CGNL1: variants seen among roughly 807,000 people sequenced by gnomAD.
The protein encoded by CGNL1 is cingulin like 1.
Under a neutral mutation model 141.2 loss-of-function variants are expected in CGNL1, and 132 were observed. The ratio of observed to expected loss-of-function variants is 0.93; its 90% CI spans 0.81 to 1.08. The LOEUF (loss-of-function observed/expected upper bound fraction) is 1.08. CGNL1 is among the 50% of genes least tolerant of loss of function. The pLI is 0.00. For synonymous variants in CGNL1, 690 were observed against 622.1 expected (o/e 1.11, Z -1.63); for missense variants, 1,870 against 1,588.6 (o/e 1.18, Z -3.01).
chr15:57,542,643 A>AG (rs150817570), intron 14 of CGNL1, among the ~76,000 whole-genome samples: 4,302 of 152,360 alleles, frequency 0.028, 214 homozygotes, highest in African/African-American at 0.098. Context: ...GGAGAAATCT[A>AG]GCAGTGTCTG....
In CGNL1 at chr15:57,528,776, CCTCAAAGATGACCGCAGCAGG is replaced by C. The variant is rs1567172038; in HGVS notation, c.3165_3185del (p.Lys1056_Leu1062del). ...AGTATGAGCTGGAAGCCAAGAGTCA[CCTCAAAGATGACCGCAGCAGG>C]CTGGTCAAGCAGATGGAGGTCTGTG... On this transcript the variant is annotated inframe_deletion, in exon 13 of 19. Coordinates refer to ENST00000281282, the MANE Select transcript of CGNL1 (RefSeq NM_032866.5). 1 of 1,614,106 alleles carries C rather than the reference CCTCAAAGATGACCGCAGCAGG, an allele frequency of 6.2e-7. No homozygotes were observed. Among genetic ancestry groups the C allele is most frequent in the South Asian group, 1.1e-5 (1 of 91,070 alleles).
intron 8 of CGNL1, among the ~76,000 whole-genome samples, chr15:57,480,475 C>A (rs2063711811): frequency 6.6e-6 from 1 of 151,956 alleles, no homozygotes; most frequent in Admixed American, 6.6e-5. Flanking sequence ...AGCTGAGATC[C>A]TGCCATTGCA....
At chr15:57,407,693 G>A (rs1327946701) in intron 1 of CGNL1, among the ~76,000 whole-genome samples, 1 of 151,898 alleles carries the variant, frequency 6.6e-6, no homozygotes. Flanking sequence ...AGGCAGGGTG[G>A]TGGGGCTTGA....
chr15:57,403,995 A>G (rs934732478), intron 1 of CGNL1, among the ~76,000 whole-genome samples: 1 of 152,220 alleles, frequency 6.6e-6, no homozygotes, highest in Non-Finnish European at 1.5e-5. Context: ...TTTGCTGCCC[A>G]GGGAGTACCT....
chr15:57,433,629 C>T (rs1197506792), intron 1 of CGNL1, among the ~76,000 whole-genome samples: 1 of 152,160 alleles, frequency 6.6e-6, no homozygotes, highest in Non-Finnish European at 1.5e-5. Context: ...GTTATTAAAA[C>T]CAGCATAATT....
intron 14 of CGNL1, among the ~76,000 whole-genome samples, chr15:57,538,901 G>C (rs1327128910): frequency 1.3e-5 from 2 of 152,228 alleles, no homozygotes; most frequent in Admixed American, 6.5e-5. Flanking sequence ...GGAAAAAAGA[G>C]TGTATGAGTT....
chr15:57,428,439 G>T (rs551644755), intron 1 of CGNL1, among the ~76,000 whole-genome samples: 1 of 152,174 alleles, frequency 6.6e-6, no homozygotes, highest in Non-Finnish European at 1.5e-5. Context: ...CAGACAAGAT[G>T]GTACAAAGAA....
At chr15:57,451,850 C>T (rs1280407) in intron 5 of CGNL1, among the ~76,000 whole-genome samples, 2,192 of 152,098 alleles carry the variant, frequency 0.014, 51 homozygotes, top group African/African-American at 0.049. Flanking sequence ...TGGATTTAGG[C>T]AGGCCAATGG....
chr15:57,391,414 G>A (rs565373155), intron 1 of CGNL1, among the ~76,000 whole-genome samples: 1 of 152,306 alleles, frequency 6.6e-6, no homozygotes, highest in African/African-American at 2.4e-5. Flanking sequence ...AGGAAGAAAA[G>A]GCTCTAGCCA....
At chr15:57,454,492 G>A (rs1196403291) in intron 7 of CGNL1, among the ~76,000 whole-genome samples, 1 of 152,134 alleles carries the variant, frequency 6.6e-6, no homozygotes, top group African/African-American at 2.4e-5. Flanking sequence ...TCCTCCTCCA[G>A]TTTTGAAATA....
At chr15:57,504,988 T>G (rs150924882) in intron 8 of CGNL1, among the ~76,000 whole-genome samples, 98 of 152,314 alleles carry the variant, frequency 6.4e-4, no homozygotes, top group African/African-American at 2.3e-3. Flanking sequence ...TAGACTTGGT[T>G]ACTCCATCCC....
chr15:57,408,042 A>C (rs7169074), intron 1 of CGNL1, among the ~76,000 whole-genome samples: 84,072 of 151,740 alleles, frequency 0.55, 23,493 homozygotes, highest in Middle Eastern at 0.6. Context: ...AGCCACCGTT[A>C]CCAGCAGAAA....
intron 5 of CGNL1, 134 bp downstream of exon 5, chr15:57,451,735 A>G (rs1280406): frequency 1 from 639,234 of 641,206 alleles, 318,663 homozygotes; most frequent in East Asian, 1. Flanking sequence ...TAATCACTGA[A>G]TAAATTCCTG....
intron 8 of CGNL1, among the ~76,000 whole-genome samples, chr15:57,490,419 C>A (rs139904818): frequency 6.6e-6 from 1 of 152,104 alleles, no homozygotes; most frequent in East Asian, 1.9e-4. Context: ...CACGCACGCA[C>A]GCGTGCGTGT....
intron 8 of CGNL1, among the ~76,000 whole-genome samples, chr15:57,488,053 T>C (rs1221833153): frequency 6.6e-6 from 1 of 152,234 alleles, no homozygotes; most frequent in African/African-American, 2.4e-5. Flanking sequence ...CCACATCCTC[T>C]CCCACACTTG....
At chr15:57,431,442 T>G (rs2063043265) in intron 1 of CGNL1, among the ~76,000 whole-genome samples, 2 of 152,334 alleles carry the variant, frequency 1.3e-5, no homozygotes, top group South Asian at 4.1e-4. Flanking sequence ...GCTGCCTCTT[T>G]CTGTCATGTT....
rs74385875 is a variant in CGNL1, at chr15:57,531,083, C to T, written c.3202-607C>T. Among the ~76,000 whole-genome samples, 707 of 152,296 alleles carry T rather than the reference C, an allele frequency of 4.6e-3. 7 individuals are homozygous for T. Among genetic ancestry groups the T allele is most frequent in the Non-Finnish European group, 6.2e-3 (425 of 68,030 alleles). On this transcript the variant is annotated intron_variant, in intron 13 of 18. Coordinates refer to ENST00000281282, the MANE Select transcript of CGNL1 (RefSeq NM_032866.5). ...GCTTTGAAATGTTTTTCTCTGAACACTCAATTAGGTTAGATTAGGAGCCAA... is the reference window on the plus strand; with the variant it reads ...GCTTTGAAATGTTTTTCTCTGAACATTCAATTAGGTTAGATTAGGAGCCAA...
chr15:57,400,709 C>T (rs1382711036), intron 1 of CGNL1, among the ~76,000 whole-genome samples: 3 of 151,576 alleles, frequency 2.0e-5, no homozygotes, highest in Non-Finnish European at 4.4e-5. Context: ...CTGGTGAAAC[C>T]CTGTCTCTAC....
Position 57,420,157 on chromosome 15 carries a change from C to T in CGNL1, c.-15-17828C>T, listed in dbSNP as rs112899649. On this transcript the variant is annotated intron_variant, in intron 1 of 18. Transcript: ENST00000281282. Reference sequence around the variant, plus strand: ...TACTCCAGGCTCATCTTGTATATTTCCTGCCCTAGTCTTAGAAGAATAAGC... The same window carrying T: ...TACTCCAGGCTCATCTTGTATATTTTCTGCCCTAGTCTTAGAAGAATAAGC... 1.1e-4 allele frequency among the ~76,000 whole-genome samples: 16 copies of T among 152,230 alleles called. 2 individuals are homozygous for T. Among genetic ancestry groups the T allele is most frequent in the African/African-American group, 3.1e-4 (13 of 41,530 alleles).
Sources: allele counts gnomAD v4.1 joint callset (sites outside exome capture counted in the v4.1 genomes callset), GRCh38; gene constraint gnomAD v4.1.1; transcripts MANE v1.5; gene names NCBI Gene and HGNC (gene_info 2026-07-23, HGNC 2026-07-21).